UNC13B: variants seen among roughly 807,000 people sequenced by gnomAD.
UNC13B encodes unc-13 homolog B, also known as protein unc-13 homolog B.
UNC13B carries 144 observed loss-of-function variants against 211.0 expected under a neutral mutation model. The observed-to-expected ratio is 0.68, with a 90% CI of 0.60 to 0.78. UNC13B has a LOEUF of 0.78. Among genes scored for constraint, UNC13B ranks in the 30% least tolerant of loss-of-function variants. The probability of loss-of-function intolerance (pLI) is 0.00; values close to 1 mark genes in which losing one functional copy is unlikely to be tolerated. For missense variants in UNC13B, 1,777 were observed against 2,002.0 expected (o/e 0.89, Z 2.14); for synonymous variants, 709 against 725.8 (o/e 0.98, Z 0.37).
chr9:35,336,996 G>A (rs1238128712), intron 11 of UNC13B, among the ~76,000 whole-genome samples: 1 of 152,152 alleles, frequency 6.6e-6, no homozygotes. Flanking sequence ...GAGTGCAAGG[G>A]GTTTGCTTTG....
intron 39 of UNC13B, 38 bp downstream of exon 39, chr9:35,403,637 G>C: frequency 1.3e-6 from 2 of 1,556,918 alleles, no homozygotes; most frequent in Non-Finnish European, 1.7e-6. Flanking sequence ...TCTGGGATGG[G>C]GGTAAGACTT....
At chr9:35,211,955 T>C (rs1372396293) in intron 1 of UNC13B, among the ~76,000 whole-genome samples, 1 of 152,168 alleles carries the variant, frequency 6.6e-6, no homozygotes. Context: ...TCCTTCTGCC[T>C]CGGCCTCTGA....
chr9:35,360,646 T>A (rs1431339517), intron 11 of UNC13B: 1 of 152,230 alleles, frequency 6.6e-6, no homozygotes, highest in Non-Finnish European at 1.5e-5. Context: ...TTTTAAAATT[T>A]TTTTAGTTAA....
At chr9:35,281,977 C>T (rs562045700) in intron 7 of UNC13B, among the ~76,000 whole-genome samples, 12 of 152,210 alleles carry the variant, frequency 7.9e-5, no homozygotes, top group African/African-American at 2.4e-4. Flanking sequence ...ACACAGAGAA[C>T]TCATATCACA....
intron 26 of UNC13B, among the ~76,000 whole-genome samples, chr9:35,391,177 TC>T (rs1835509626): frequency 6.6e-6 from 1 of 152,334 alleles, no homozygotes; most frequent in African/African-American, 2.4e-5. Context: ...GGAAGATACT[TC>T]TTCCCTCACT....
At chr9:35,204,661 C>T (rs578247900) in intron 1 of UNC13B, among the ~76,000 whole-genome samples, 5 of 152,264 alleles carry the variant, frequency 3.3e-5, no homozygotes, top group African/African-American at 1.2e-4. Flanking sequence ...GGCCTATGAC[C>T]CCTTTCTTTT....
Position 35,354,868 on chromosome 9 carries a change from AC to A in UNC13B, c.9415-12076del, listed in dbSNP as rs1465918352. Among the ~76,000 whole-genome samples, 5 of 152,150 alleles carry A rather than the reference AC, an allele frequency of 3.3e-5. No homozygotes were observed. In the South Asian group the frequency reaches 1.0e-3, roughly 32 times the overall value. The stretch of plus-strand genomic sequence containing the variant: ...TTATCAAAATTACAAATATATATAT[AC>A]CCTTTAAGTCCTCAACACCACTTAC... On this transcript the variant is annotated intron_variant, in intron 11 of 39. Transcript: ENST00000635942.
chr9:35,350,478 G>A (rs1276785109), intron 11 of UNC13B, among the ~76,000 whole-genome samples: 1 of 152,156 alleles, frequency 6.6e-6, no homozygotes, highest in African/African-American at 2.4e-5. Flanking sequence ...TGTGGGCCAG[G>A]AAAGCCAAAC....
At chr9:35,366,833 A>T in intron 11 of UNC13B, 114 bp from the exon 12 acceptor site, 1 of 859,312 alleles carries the variant, frequency 1.2e-6, no homozygotes, top group Non-Finnish European at 1.9e-6. Flanking sequence ...CTGTCACCAC[A>T]TGGTGAATGT....
At chr9:35,314,384 A>G (rs1248094435) in intron 11 of UNC13B, among the ~76,000 whole-genome samples, 4 of 152,174 alleles carry the variant, frequency 2.6e-5, no homozygotes, top group Non-Finnish European at 5.9e-5. Context: ...AAAAATATCT[A>G]TGGAATTTGC....
chr9:35,386,358 A>T (rs889057564), intron 24 of UNC13B, 65 bp downstream of exon 24: 9 of 1,604,074 alleles, frequency 5.6e-6, no homozygotes, highest in Middle Eastern at 1.8e-4. Flanking sequence ...GTTTTCCTTC[A>T]TGATGGTGGT....
At chr9:35,172,680 AC>A (rs1821396838) in intron 1 of UNC13B, among the ~76,000 whole-genome samples, 2 of 152,202 alleles carry the variant, frequency 1.3e-5, no homozygotes, top group African/African-American at 4.8e-5. Context: ...AATGAAATGT[AC>A]TTTCTCAAGT....
At chr9:35,268,181 CAT>C (rs1408649232) in intron 7 of UNC13B, among the ~76,000 whole-genome samples, 1 of 152,122 alleles carries the variant, frequency 6.6e-6, no homozygotes, top group East Asian at 1.9e-4. Flanking sequence ...AGCAGAAAAA[CAT>C]TCGTTTTTCC....
rs572711544 is a variant in UNC13B, at chr9:35,301,832, C to G, written c.2428C>G (p.Leu810Val). The G allele has an allele frequency of 7.5e-6, 3 of 398,878 alleles. No individual in the cohort carries two copies. The East Asian group carries it at 1.1e-4, about 14-fold the overall frequency. The allele number at this position is 398,878 out of a possible 1,614,324, so 24.7% of individuals were successfully genotyped here. The change falls in exon 9 of 40, where the codon CTC (leucine) becomes GTC (valine). Residue 810 changes from leucine to valine, a missense_variant. By Grantham distance (32) the Leu-to-Val change is conservative. Coordinates refer to ENST00000635942, the MANE Select transcript of UNC13B (RefSeq NM_001371189.2). ...VTGNDDFLEPLRKSFSQFLLT... is the reference protein window; with the variant it reads ...VTGNDDFLEPVRKSFSQFLLT... Reference sequence around the variant, plus strand: ...AGGTAATGATGATTTCCTTGAGCCACTCAGAAAATCATTTAGCCAGTTTTT... The same window carrying G: ...AGGTAATGATGATTTCCTTGAGCCAGTCAGAAAATCATTTAGCCAGTTTTT...
At chr9:35,189,992 A>G (rs533021437) in intron 1 of UNC13B, among the ~76,000 whole-genome samples, 17 of 152,128 alleles carry the variant, frequency 1.1e-4, no homozygotes, top group African/African-American at 4.1e-4. Context: ...TAATTGGATT[A>G]CTCGTTTCAG....
At chr9:35,201,647 T>C (rs1321514330) in intron 1 of UNC13B, among the ~76,000 whole-genome samples, 1 of 152,252 alleles carries the variant, frequency 6.6e-6, no homozygotes, top group African/African-American at 2.4e-5. Context: ...TATTCTCTGA[T>C]GGTAGTTTGT....
At chr9:35,223,179 T>A (rs1301323584) in intron 1 of UNC13B, among the ~76,000 whole-genome samples, 5 of 152,224 alleles carry the variant, frequency 3.3e-5, no homozygotes, top group Non-Finnish European at 5.9e-5. Flanking sequence ...CCCTTTGACA[T>A]ACTGACATCC....
intron 5 of UNC13B, 75 bp from the exon 6 acceptor site, chr9:35,243,216 G>A: frequency 2.1e-6 from 3 of 1,434,116 alleles, no homozygotes; most frequent in Admixed American, 1.7e-5. Flanking sequence ...ATTAGACAGA[G>A]TAAAGTGTTA....
At chr9:35,255,737 T>C (rs947813405) in intron 6 of UNC13B, among the ~76,000 whole-genome samples, 3 of 152,110 alleles carry the variant, frequency 2.0e-5, no homozygotes, top group Admixed American at 2.0e-4. Flanking sequence ...TTAGGTTTTA[T>C]AATAGTGATG....
Sources: gnomAD v4.1 joint callset for allele counts (sites outside exome capture counted in the v4.1 genomes callset) on GRCh38, gnomAD v4.1.1 for gene constraint, MANE v1.5 for transcripts, NCBI Gene and HGNC (gene_info 2026-07-23, HGNC 2026-07-21) for gene names.